VNN2: variants seen among roughly 807,000 people sequenced by gnomAD.
The protein encoded by VNN2 is pantetheine hydrolase VNN2.
VNN2 carries 43 observed loss-of-function variants against 43.0 expected under a neutral mutation model. That is an observed-to-expected ratio of 1.00 (90% CI 0.78 to 1.29). The LOEUF (loss-of-function observed/expected upper bound fraction) is 1.29, where lower values mean the gene tolerates loss of function less well. Ranked by LOEUF, VNN2 falls within the 50% of genes most tolerant of loss-of-function variation. The probability of loss-of-function intolerance (pLI) is 0.00; values close to 1 mark genes in which losing one functional copy is unlikely to be tolerated. For missense variants in VNN2, 652 were observed against 619.7 expected (o/e 1.05, Z -0.55); for synonymous variants, 230 against 224.3 (o/e 1.03, Z -0.23).
chr6:132,761,355 T>C (rs906668282), upstream of VNN2, among the ~76,000 whole-genome samples: 3 of 137,246 alleles, frequency 2.2e-5, no homozygotes, highest in South Asian at 7.0e-4. Context: ...AGAGTCACCA[T>C]AAAAAAAAAA....
intron 6 of VNN2, 41 bp from the exon 7 acceptor site, chr6:132,744,532 A>G: frequency 6.5e-7 from 1 of 1,527,366 alleles, no homozygotes; most frequent in Non-Finnish European, 8.8e-7. Flanking sequence ...CTTTCTTAAC[A>G]TAGAAGTTAA....
At chr6:132,760,103 CAT>C (rs1216657917), upstream of VNN2, among the ~76,000 whole-genome samples, 1 of 152,174 alleles carries the variant, frequency 6.6e-6, no homozygotes, top group East Asian at 1.9e-4. Context: ...TAAAACAGCA[CAT>C]GTGTCTGTGC....
chr6:132,753,933 A>T (rs1175156643), intron 3 of VNN2: 1 of 143,364 alleles, frequency 7.0e-6, no homozygotes. Flanking sequence ...AGCCGGGATG[A>T]CAGAGCCAGA....
chr6:132,752,894 T>A, intron 3 of VNN2, 145 bp from the exon 4 acceptor site: 1 of 818,912 alleles, frequency 1.2e-6, no homozygotes, highest in Non-Finnish European at 1.9e-6. Context: ...CAATTGGAAG[T>A]AAATTTCTAA....
chr6:132,760,840 G>A (rs1169698578), upstream of VNN2: 1 of 152,074 alleles, frequency 6.6e-6, no homozygotes, highest in African/African-American at 2.4e-5. Flanking sequence ...CAGAGTTTTG[G>A]ATTTTTTGTT....
At chr6:132,761,541 T>A (rs1293614461), upstream of VNN2, among the ~76,000 whole-genome samples, 2 of 152,038 alleles carry the variant, frequency 1.3e-5, no homozygotes, top group African/African-American at 4.8e-5. Flanking sequence ...ACGCCTGTAA[T>A]CCCAGCTACT....
intron 6 of VNN2, among the ~76,000 whole-genome samples, chr6:132,745,247 G>T (rs569164471): frequency 6.6e-6 from 1 of 152,018 alleles, no homozygotes; most frequent in African/African-American, 2.4e-5. Context: ...ATGGAGTCTC[G>T]CTCTGTCACC....
upstream of VNN2, chr6:132,760,810 AAGAT>A (rs983085211): frequency 1.3e-5 from 2 of 152,166 alleles, no homozygotes; most frequent in African/African-American, 2.4e-5. Context: ...TTGGCTGTAA[AAGAT>A]AGAAATGATG....
rs899125122 is a variant in VNN2, at chr6:132,751,136, T to C, written c.1200+9A>G. On this transcript the variant is annotated intron_variant, in intron 5 of 6. Transcript: ENST00000326499. The stretch of plus-strand genomic sequence containing the variant: ...CACTTGAATGCCCTTTCATTTGAAC[T>C]GAAATTACCTGCCAGTACTCTCTTC... 2.6e-6 allele frequency: 4 copies of C among 1,559,218 alleles called. No homozygotes were observed. Among genetic ancestry groups the C allele is most frequent in the African/African-American group, 2.8e-5 (2 of 72,344 alleles).
chr6:132,761,897 C>G (rs1362036268), upstream of VNN2, among the ~76,000 whole-genome samples: 1 of 152,162 alleles, frequency 6.6e-6, no homozygotes, highest in African/African-American at 2.4e-5. Flanking sequence ...ATCATACCTG[C>G]TCTATCTCCT....
upstream of VNN2, among the ~76,000 whole-genome samples, chr6:132,760,209 C>G (rs1240654693): frequency 6.6e-6 from 1 of 152,100 alleles, no homozygotes; most frequent in Admixed American, 6.6e-5. Context: ...GAGTCTTGCT[C>G]TATTGCTCAG....
chr6:132,745,369 C>G (rs975270145), intron 6 of VNN2, among the ~76,000 whole-genome samples: 1 of 152,156 alleles, frequency 6.6e-6, no homozygotes, highest in African/African-American at 2.4e-5. Context: ...GGGCGTGCCA[C>G]CAAGCCCAGC....
In VNN2 at chr6:132,751,471, T is replaced by C. The variant is rs1032923298; in HGVS notation, c.874A>G (p.Met292Val). Residue 292 changes from methionine to valine, a missense_variant, in exon 5 of 7, where the codon ATG (methionine) becomes GTG (valine). By Grantham distance (21) the Met-to-Val change is conservative. Coordinates refer to ENST00000326499, the MANE Select transcript of VNN2 (RefSeq NM_004665.6). ...PNGPKVYHYDMKTELGKLLLS... is the reference protein window; with the variant it reads ...PNGPKVYHYDVKTELGKLLLS... Reference sequence around the variant, plus strand: ...AGAAGTTTTCCCAACTCTGTCTTCATGTCATAATGATACACTTTGGGACCA... The same window carrying C: ...AGAAGTTTTCCCAACTCTGTCTTCACGTCATAATGATACACTTTGGGACCA... The C allele has an allele frequency of 6.2e-7, 1 of 1,613,980 alleles. No individual in the cohort carries two copies. Among genetic ancestry groups the C allele is most frequent in the African/African-American group, 1.3e-5 (1 of 74,906 alleles).
In VNN2 at chr6:132,751,408, C is replaced by A; in HGVS notation, c.937G>T (p.Ala313Ser). Residue 313 changes from alanine to serine, a missense_variant, in exon 5 of 7, where the codon GCC (alanine) becomes TCC (serine). Physicochemically the swap from Ala to Ser is moderately conservative, Grantham distance 99. Coordinates refer to ENST00000326499, the MANE Select transcript of VNN2 (RefSeq NM_004665.6). The part of the protein sequence containing the change: ...EVDSHPLSSL[A>S]YPTAVNWNAY... Reference sequence around the variant, plus strand: ...TTCCAATTAACAGCTGTTGGGTAGGCAAGCGAGGATAGGGGATGTGAATCC... The same window carrying A: ...TTCCAATTAACAGCTGTTGGGTAGGAAAGCGAGGATAGGGGATGTGAATCC... The A allele has an allele frequency of 6.2e-7, 1 of 1,614,142 alleles. No individual in the cohort carries two copies.
chr6:132,744,565 C>T, intron 6 of VNN2, 74 bp from the exon 7 acceptor site: 1 of 1,411,464 alleles, frequency 7.1e-7, no homozygotes, highest in South Asian at 1.5e-5. Flanking sequence ...CATTTTGAAA[C>T]CATCCTAGAT....
upstream of VNN2, chr6:132,758,050 T>TA (rs1562254305): frequency 8.0e-5 from 40 of 501,656 alleles, no homozygotes; most frequent in East Asian, 5.0e-4. Flanking sequence ...TTTTTTTTTT[T>TA]TTTTTTTTTT....
intron 4 of VNN2, 106 bp from the exon 5 acceptor site, chr6:132,751,624 T>C: frequency 7.4e-7 from 1 of 1,360,484 alleles, no homozygotes; most frequent in Non-Finnish European, 9.9e-7. Context: ...ACCATATTAG[T>C]CACGATGAGA....
chr6:132,752,605 G>A lies in VNN2; in HGVS notation c.682C>T (p.His228Tyr), dbSNP rs188359054. The A allele has an allele frequency of 6.2e-6, 10 of 1,614,102 alleles. No homozygotes were observed. The East Asian group carries it at 2.0e-4, about 32-fold the overall frequency. ...GTGGGAAACAGTATGGTGTCCACAT[G>A]GAAATCTTTCACCAGGGTAACACCA... is the stretch of plus-strand genomic sequence containing the variant. ...DPGVTLVKDF[H>Y]VDTILFPTAW... is the part of the protein sequence containing the mutation. Residue 228 changes from histidine (H) to tyrosine (Y), a missense_variant, in exon 4 of 7, where the codon CAT (histidine) becomes TAT (tyrosine). Physicochemically the swap from His to Tyr is moderately conservative, Grantham distance 83 (BLOSUM62 2). Transcript: ENST00000326499.
chr6:132,748,149 G>A (rs376894065), intron 6 of VNN2, among the ~76,000 whole-genome samples: 8 of 152,166 alleles, frequency 5.3e-5, no homozygotes, highest in African/African-American at 1.7e-4. Flanking sequence ...TTACCTTGGT[G>A]ACCCTGATTT....
Sources: gnomAD v4.1 joint callset for allele counts (sites outside exome capture counted in the v4.1 genomes callset) on GRCh38, gnomAD v4.1.1 for gene constraint, MANE v1.5 for transcripts, NCBI Gene and HGNC (gene_info 2026-07-23, HGNC 2026-07-21) for gene names.